Variants in CRCP observed in about 807,000 individuals in gnomAD.
CRCP encodes the protein DNA-directed RNA polymerase III subunit RPC9.
Under a neutral mutation model 18.5 loss-of-function variants are expected in CRCP, and 18 were observed. The observed-to-expected ratio is 0.97, with a 90% CI of 0.67 to 1.44. The LOEUF (loss-of-function observed/expected upper bound fraction) is 1.44. CRCP is among the 40% of genes most tolerant of loss of function. The pLI is 0.00. For missense variants in CRCP, 130 were observed against 176.4 expected, an observed-to-expected ratio of 0.74 and a Z score of 1.49; for synonymous variants, 53 against 62.9, an observed-to-expected ratio of 0.84 and a Z score of 0.75.
chr7:66,146,104 C>T (rs1318888074), intron 5 of CRCP, among the ~76,000 whole-genome samples: 1 of 152,170 alleles, frequency 6.6e-6, no homozygotes, highest in East Asian at 1.9e-4. Context: ...GCGGCTCTTG[C>T]GGTTATCCTC....
chr7:66,122,019 T>C lies in CRCP; in HGVS notation c.9-5685T>C, dbSNP rs2115870284. On this transcript the variant is annotated intron_variant, in intron 1 of 5. Transcript: ENST00000395326. The stretch of plus-strand genomic sequence containing the variant: ...ATGACTTGATAGCATAGGTTGGGCA[T>C]AGGAGAATTTGAGCAATTATTTTCG... Among the ~76,000 whole-genome samples the C allele has an allele frequency of 1.3e-5, 2 of 152,282 alleles. 1 individual carries two copies. Among genetic ancestry groups the C allele is most frequent in the Middle Eastern group, 6.8e-3 (2 of 294 alleles).
rs762795573 is a variant in CRCP at position 66,152,433 on chromosome 7, T to C, written c.*76T>C. The C allele has an allele frequency of 6.5e-7, 1 of 1,527,252 alleles. No homozygotes were observed. The highest frequency in any genetic ancestry group is 8.9e-7 in the Non-Finnish European group (1 of 1,120,082). 94.6% of individuals were successfully genotyped at this position (1,527,252 alleles called of 1,614,324 possible). The stretch of plus-strand genomic sequence containing the variant: ...ATTTCCTGGACGTTGAGAGGATTGT[T>C]TATTTGATTTTTATCCTCATCCCAG... On this transcript the variant is annotated 3_prime_UTR_variant, in exon 6 of 6. Transcript: ENST00000395326.
chr7:66,130,653 T>C (rs2115931590), intron 2 of CRCP, 91 bp from the exon 3 acceptor site: 1 of 701,706 alleles, frequency 1.4e-6, no homozygotes, highest in Non-Finnish European at 2.4e-6. Context: ...GGAAGTACTA[T>C]ACTTTCCTGT....
chr7:66,141,979 A>ACCAAGCAACT (rs1788154554), intron 4 of CRCP, among the ~76,000 whole-genome samples: 1 of 151,814 alleles, frequency 6.6e-6, no homozygotes, highest in Non-Finnish European at 1.5e-5. Context: ...TGGTGGTTTG[A>ACCAAGCAACT]CCTCGAGTTG....
At chr7:66,142,689 G>T (rs887578039) in intron 4 of CRCP, among the ~76,000 whole-genome samples, 54 of 152,076 alleles carry the variant, frequency 3.6e-4, no homozygotes, top group African/African-American at 1.3e-3. Flanking sequence ...TAAAGACAGA[G>T]TCTCACTTTG....
intron 5 of CRCP, among the ~76,000 whole-genome samples, chr7:66,148,017 G>A (rs994367688): frequency 2.6e-5 from 4 of 151,734 alleles, no homozygotes; most frequent in African/African-American, 9.7e-5. Flanking sequence ...CTATGATAGT[G>A]CCACTGTACT....
chr7:66,140,743 T>C (rs895489079), intron 4 of CRCP, among the ~76,000 whole-genome samples: 1 of 152,232 alleles, frequency 6.6e-6, no homozygotes, highest in Non-Finnish European at 1.5e-5. Context: ...TTCGTGGGCT[T>C]CCTCCATCTT....
chr7:66,135,043 G>T (rs1234860776), intron 4 of CRCP, among the ~76,000 whole-genome samples: 1 of 152,200 alleles, frequency 6.6e-6, no homozygotes, highest in African/African-American at 2.4e-5. Flanking sequence ...AACCATTAAT[G>T]TGAACAGGGC....
At chr7:66,116,994 G>A (rs940857180) in intron 1 of CRCP, among the ~76,000 whole-genome samples, 8 of 151,880 alleles carry the variant, frequency 5.3e-5, no homozygotes, top group Non-Finnish European at 1.0e-4. Flanking sequence ...AGTGGTGGGC[G>A]CCTGTAATCC....
intron 2 of CRCP, chr7:66,128,811 G>A (rs1425658458): frequency 2.0e-5 from 3 of 152,158 alleles, no homozygotes; most frequent in African/African-American, 7.2e-5. Flanking sequence ...AAAACCATCT[G>A]ATAGGCTCAC....
At chr7:66,143,495 C>G (rs4368860) in intron 4 of CRCP, among the ~76,000 whole-genome samples, 97,824 of 151,910 alleles carry the variant, frequency 0.64, 31,954 homozygotes, top group African/African-American at 0.74. Flanking sequence ...CCCTGGCTGG[C>G]TGTCCCTCCC....
chr7:66,137,286 C>T (rs1052765957), intron 4 of CRCP, among the ~76,000 whole-genome samples: 1 of 152,104 alleles, frequency 6.6e-6, no homozygotes, highest in African/African-American at 2.4e-5. Context: ...AGAAGTACAG[C>T]TGACTTTATA....
At chr7:66,118,590 C>T (rs117246850) in intron 1 of CRCP, among the ~76,000 whole-genome samples, 581 of 152,210 alleles carry the variant, frequency 3.8e-3, no homozygotes, top group Non-Finnish European at 5.4e-3. Context: ...TTCTGGGACC[C>T]CCTGCGTATA....
At position 66,149,956 on chromosome 7, in the gene CRCP, G is replaced by A. The variant is rs141244668; in HGVS notation, c.298-2252G>A. The stretch of plus-strand genomic sequence containing the variant: ...CGTGTAGCTGGGACTACAGGCGCAC[G>A]CTGCCACGCCCAGCTAATTTTTTGT... On this transcript the variant is annotated intron_variant, in intron 5 of 5. Coordinates refer to ENST00000395326, the MANE Select transcript of CRCP (RefSeq NM_014478.5). Among the ~76,000 whole-genome samples, 641 of 152,112 alleles carry A rather than the reference G, an allele frequency of 4.2e-3. 4 individuals are homozygous for A. Among genetic ancestry groups the A allele is most frequent in the African/African-American group, 0.015 (605 of 41,550 alleles).
At chr7:66,138,960 T>A (rs1788055384) in intron 4 of CRCP, among the ~76,000 whole-genome samples, 1 of 152,128 alleles carries the variant, frequency 6.6e-6, no homozygotes, top group Non-Finnish European at 1.5e-5. Context: ...TTCTCAGCTA[T>A]TTTTGAAATA....
intron 4 of CRCP, among the ~76,000 whole-genome samples, chr7:66,139,795 C>T (rs1584089886): frequency 1.3e-5 from 2 of 152,166 alleles, no homozygotes; most frequent in Non-Finnish European, 2.9e-5. Flanking sequence ...TGGTGCTGTT[C>T]TGCACATAAA....
At chr7:66,118,335 CTAACA>C (rs746086032) in intron 1 of CRCP, among the ~76,000 whole-genome samples, 5 of 152,188 alleles carry the variant, frequency 3.3e-5, no homozygotes, top group East Asian at 3.9e-4. Flanking sequence ...GTAAGTCTAA[CTAACA>C]TAAGTTCTTT....
In CRCP at chr7:66,154,545, A is replaced by C. The variant is rs528783000; in HGVS notation, c.*2188A>C. On this transcript the variant is annotated 3_prime_UTR_variant, in exon 6 of 6. Transcript: ENST00000395326. ...TTAATATTGTCATCGATACAAATAA[A>C]GTGAAATCTGACTGAGGCTAAAATG... The C allele has an allele frequency of 2.6e-5, 4 of 151,968 alleles. No homozygotes were observed. The East Asian group carries it at 7.7e-4, about 29-fold the overall frequency. The allele number at this position is 151,968 out of a possible 1,614,324, so 9.4% of individuals were successfully genotyped here.
rs1788524138 is a variant in CRCP at position 66,153,202 on chromosome 7, G to T, written c.*845G>T. On this transcript the variant is annotated 3_prime_UTR_variant, in exon 6 of 6. Coordinates refer to ENST00000395326, the MANE Select transcript of CRCP (RefSeq NM_014478.5). ...CTTGTAATCCCAGCACTTTGGGAGG[G>T]CAAGGCAGGCGGATCACCTGAGGTC... is the stretch of plus-strand genomic sequence containing the variant. 1 of 152,442 alleles carries T rather than the reference G, an allele frequency of 6.6e-6. No individual in the cohort carries two copies. The highest frequency in any genetic ancestry group is 1.5e-5 in the Non-Finnish European group (1 of 68,010). 9.4% of individuals were successfully genotyped at this position (152,442 alleles called of 1,614,324 possible).
Sources: gnomAD v4.1 joint callset for allele counts (sites outside exome capture counted in the v4.1 genomes callset) on GRCh38, gnomAD v4.1.1 for gene constraint, MANE v1.5 for transcripts, NCBI Gene and HGNC (gene_info 2026-07-23, HGNC 2026-07-21) for gene names.